VPS35L: variants seen among roughly 807,000 people sequenced by gnomAD.
The protein encoded by VPS35L is VPS35 endosomal protein sorting factor like.
Under a neutral mutation model 133.0 loss-of-function variants are expected in VPS35L, and 83 were observed. The observed-to-expected ratio is 0.62, with a 90% CI of 0.52 to 0.75. The LOEUF is 0.75. VPS35L is among the 30% of genes least tolerant of loss of function. The pLI, the probability that VPS35L is intolerant of heterozygous loss-of-function variation, is 0.00. For synonymous variants in VPS35L, 423 were observed against 449.9 expected, an observed-to-expected ratio of 0.94 and a Z score of 0.76; for missense variants, 1,083 against 1,206.8, an observed-to-expected ratio of 0.90 and a Z score of 1.52.
At chr16:19,658,032 G>T (rs1290645311) in intron 26 of VPS35L, among the ~76,000 whole-genome samples, 1 of 152,118 alleles carries the variant, frequency 6.6e-6, no homozygotes, top group Non-Finnish European at 1.5e-5. Context: ...CTTAGGGAGT[G>T]TCAAGGCCTG....
intron 18 of VPS35L, among the ~76,000 whole-genome samples, chr16:19,630,215 C>G (rs1973402666): frequency 6.6e-6 from 1 of 151,938 alleles, no homozygotes; most frequent in Non-Finnish European, 1.5e-5. Flanking sequence ...AGACTAGAAC[C>G]ACAGTTAGGG....
chr16:19,594,286 C>T (rs960202357), intron 8 of VPS35L, among the ~76,000 whole-genome samples: 1 of 151,980 alleles, frequency 6.6e-6, no homozygotes, highest in Non-Finnish European at 1.5e-5. Flanking sequence ...TCAGATGGCC[C>T]GGAGAGGTGG....
chr16:19,649,563 A>G (rs930186951), intron 24 of VPS35L, among the ~76,000 whole-genome samples: 1 of 152,208 alleles, frequency 6.6e-6, no homozygotes, highest in Non-Finnish European at 1.5e-5. Flanking sequence ...ACAACGTGCA[A>G]CAAACAAGTA....
intron 1 of VPS35L, among the ~76,000 whole-genome samples, 181 bp downstream of exon 1, chr16:19,555,927 C>G (rs1202278133): frequency 6.6e-6 from 1 of 152,152 alleles, no homozygotes. Flanking sequence ...CAATCTGAAG[C>G]CAGACTGGCG....
At chr16:19,629,713 G>A in intron 17 of VPS35L, 54 bp from the exon 18 acceptor site, 1 of 1,523,130 alleles carries the variant, frequency 6.6e-7, no homozygotes, top group Non-Finnish European at 9.1e-7. Flanking sequence ...CCTGTTTGCT[G>A]TAATGCATAC....
At chr16:19,561,241 G>T (rs1398628037) in intron 1 of VPS35L, among the ~76,000 whole-genome samples, 1 of 151,930 alleles carries the variant, frequency 6.6e-6, no homozygotes, top group Non-Finnish European at 1.5e-5. Context: ...TGTGGTGGCG[G>T]GCGCCTGTAG....
intron 24 of VPS35L, 106 bp downstream of exon 24, chr16:19,647,988 C>T: frequency 9.4e-7 from 1 of 1,067,902 alleles, no homozygotes; most frequent in Non-Finnish European, 1.4e-6. Flanking sequence ...GGGTCTCACT[C>T]TGTCACCCAG....
chr16:19,627,938 GC>G (rs148991742), intron 16 of VPS35L, 133 bp downstream of exon 16: 7,418 of 704,614 alleles, frequency 0.011, 100 homozygotes, highest in South Asian at 0.031. Flanking sequence ...TCTGAGGAAC[GC>G]AATGGAAGAT....
intron 8 of VPS35L, among the ~76,000 whole-genome samples, chr16:19,593,225 C>T (rs909473578): frequency 7.9e-5 from 12 of 152,142 alleles, no homozygotes. Context: ...CCATGCAGCC[C>T]TCTAAGCTGT....
intron 28 of VPS35L, among the ~76,000 whole-genome samples, chr16:19,686,278 A>G (rs1158181313): frequency 1.3e-5 from 2 of 152,156 alleles, no homozygotes; most frequent in Non-Finnish European, 2.9e-5. Flanking sequence ...GAGGGATTAA[A>G]TAATTTCTGC....
chr16:19,680,474 A>T (rs1975232713), intron 27 of VPS35L, among the ~76,000 whole-genome samples: 4 of 152,150 alleles, frequency 2.6e-5, no homozygotes, highest in Admixed American at 2.6e-4. Context: ...TGTATTGGCA[A>T]ATGCAATAGA....
chr16:19,591,579 A>T (rs1972043823), intron 7 of VPS35L, among the ~76,000 whole-genome samples: 1 of 152,004 alleles, frequency 6.6e-6, no homozygotes, highest in Non-Finnish European at 1.5e-5. Flanking sequence ...GGGAAAACAA[A>T]GAAGAGGTTC....
At chr16:19,586,432 T>C (rs1971867649) in intron 7 of VPS35L, among the ~76,000 whole-genome samples, 1 of 152,130 alleles carries the variant, frequency 6.6e-6, no homozygotes, top group South Asian at 2.1e-4. Flanking sequence ...CTCCGCTTCC[T>C]GGGTTCCACC....
At chr16:19,700,328 T>C (rs1976079724) in intron 30 of VPS35L, 50 bp from the exon 31 acceptor site, 1 of 1,489,550 alleles carries the variant, frequency 6.7e-7, no homozygotes, top group East Asian at 2.3e-5. Flanking sequence ...AGCCTTGGGC[T>C]CCAAGGATAA....
intron 26 of VPS35L, among the ~76,000 whole-genome samples, chr16:19,652,911 A>G (rs1251725262): frequency 1.3e-5 from 2 of 152,248 alleles, no homozygotes; most frequent in African/African-American, 4.8e-5. Flanking sequence ...AAGGATGCTC[A>G]GGATCATTTA....
chr16:19,576,457 G>A (rs997538995), intron 5 of VPS35L, among the ~76,000 whole-genome samples: 57 of 152,284 alleles, frequency 3.7e-4, no homozygotes, highest in African/African-American at 1.3e-3. Context: ...TCAAACTGCC[G>A]TGTAGCAGGA....
chr16:19,608,080 A>AC (rs1972590256), intron 9 of VPS35L, 98 bp from the exon 10 acceptor site: 1 of 820,540 alleles, frequency 1.2e-6, no homozygotes. Flanking sequence ...AGGCTGAGTC[A>AC]CCCCCTTTTC....
chr16:19,592,034 C>T (rs575128742), intron 8 of VPS35L, among the ~76,000 whole-genome samples, 160 bp downstream of exon 8: 2 of 151,976 alleles, frequency 1.3e-5, no homozygotes, highest in East Asian at 1.9e-4. Flanking sequence ...TTAATAAGGG[C>T]GCTATTTTTG....
intron 30 of VPS35L, among the ~76,000 whole-genome samples, 153 bp from the exon 31 acceptor site, chr16:19,700,225 T>C (rs1976073479): frequency 6.6e-6 from 1 of 152,224 alleles, no homozygotes; most frequent in African/African-American, 2.4e-5. Flanking sequence ...TCCAAGAAGT[T>C]GAAGACTTTG....
Sources: gnomAD v4.1 joint callset for allele counts (sites outside exome capture counted in the v4.1 genomes callset) on GRCh38, gnomAD v4.1.1 for gene constraint, MANE v1.5 for transcripts, NCBI Gene and HGNC (gene_info 2026-07-23, HGNC 2026-07-21) for gene names.